The following ANKRD40 variants were observed in gnomAD, a reference collection of about 807,000 sequenced individuals.
ANKRD40 encodes ankyrin repeat domain-containing protein 40.
In ANKRD40, 24 loss-of-function variants were observed where a neutral mutation model predicts 35.5. The observed-to-expected ratio is 0.68, with a 90% CI of 0.49 to 0.95. The LOEUF (loss-of-function observed/expected upper bound fraction) is 0.95. Among genes scored for constraint, ANKRD40 ranks in the 40% least tolerant of loss-of-function variants. The pLI is 0.00. For missense variants in ANKRD40, 361 were observed against 436.0 expected (o/e 0.83, Z 1.53); for synonymous variants, 147 against 173.5 (o/e 0.85, Z 1.20).
chr17:50,700,489 C>T, intron 2 of ANKRD40, 79 bp downstream of exon 2: 1 of 1,404,178 alleles, frequency 7.1e-7, no homozygotes, highest in Non-Finnish European at 9.8e-7. Context: ...GTTTGACCAG[C>T]ATTAAGAACG....
Position 50,707,631 on chromosome 17 carries a change from C to G in ANKRD40, c.24G>C (p.Lys8Asn). MNALLEQ[K>N]EQQERLREAA... is the part of the protein sequence containing the mutation. ...CCTCCCGCAGCCTCTCCTGCTGCTC[C>G]TTCTGCTCTAGGAGGGCGTTCATCT... Residue 8 changes from lysine to asparagine, a missense_variant, in exon 1 of 5, where the codon AAG becomes AAC. By Grantham distance (94) the Lys-to-Asn change is moderately conservative. This residue lies in a region of ANKRD40 where 56 missense variants were observed against 47.1 expected (regional missense o/e 1.19). Coordinates refer to ENST00000285243, the MANE Select transcript of ANKRD40 (RefSeq NM_052855.4). This position sits in a 1 kb window ranked among gnomAD's most constrained non-coding sequence, Gnocchi z 4.8. 1 of 1,595,704 alleles carries G rather than the reference C, an allele frequency of 6.3e-7. No individual in the cohort carries two copies. The highest frequency in any genetic ancestry group is 8.5e-7 in the Non-Finnish European group (1 of 1,172,430).
chr17:50,700,850 A>C, intron 1 of ANKRD40, 134 bp from the exon 2 acceptor site: 1 of 727,184 alleles, frequency 1.4e-6, no homozygotes, highest in Non-Finnish European at 2.0e-6. Flanking sequence ...GGTAATCTCA[A>C]CTTTTCACAA....
chr17:50,703,624 G>T (rs77397584), intron 1 of ANKRD40, among the ~76,000 whole-genome samples: 3,316 of 152,254 alleles, frequency 0.022, 62 homozygotes, highest in Non-Finnish European at 0.034. Context: ...CAAAGATCTT[G>T]AATCAGGACT....
intron 1 of ANKRD40, among the ~76,000 whole-genome samples, chr17:50,702,343 C>T (rs9891970): frequency 0.65 from 98,710 of 151,524 alleles, 33,000 homozygotes; most frequent in African/African-American, 0.76. Context: ...GAGGTTGCAG[C>T]GAGCCAAGAT....
At position 50,707,420 on chromosome 17, in the gene ANKRD40, G is replaced by A; in HGVS notation, c.134+101C>T. 6.7e-7 allele frequency: 1 copy of A among 1,498,510 alleles called. No homozygotes were observed. The allele number at this position is 1,498,510 out of a possible 1,614,324, so 92.8% of individuals were successfully genotyped here. On this transcript the variant is annotated intron_variant, in intron 1 of 4. Coordinates refer to ENST00000285243, the MANE Select transcript of ANKRD40 (RefSeq NM_052855.4). The surrounding 1 kb of genome is among the most constrained non-coding windows in gnomAD (Gnocchi z 4.8). ...TCGGAGGCCCGAGGTGGCAGGCCTC[G>A]CCGTAGCCAGGCGTCCCGCGCTGGG...
intron 4 of ANKRD40, 164 bp downstream of exon 4, chr17:50,696,776 G>C (rs1484606703): frequency 4.1e-6 from 2 of 493,166 alleles, no homozygotes; most frequent in Admixed American, 4.5e-5. Flanking sequence ...AAAAAAGCCA[G>C]TGTCCCTATA....
intron 3 of ANKRD40, among the ~76,000 whole-genome samples, chr17:50,698,862 G>A (rs1968230352): frequency 6.6e-6 from 1 of 151,910 alleles, no homozygotes; most frequent in Admixed American, 6.6e-5. Context: ...ATATCCAGCT[G>A]GGTGCGGTGA....
rs189996214 is a variant in ANKRD40, at chr17:50,704,982, C to T, written c.134+2539G>A. On this transcript the variant is annotated intron_variant, in intron 1 of 4. Coordinates refer to ENST00000285243, the MANE Select transcript of ANKRD40 (RefSeq NM_052855.4). ...ACAAAAAATTAGCCGGGCGTGGTGG[C>T]GGGCACCTGTAGTCCCAGCTACTCG... 4.3e-3 allele frequency among the ~76,000 whole-genome samples: 649 copies of T among 151,910 alleles called. 3 individuals are homozygous for T. The highest frequency in any genetic ancestry group is 0.015 in the African/African-American group (631 of 41,468).
chr17:50,697,824 G>A (rs1024620380), intron 3 of ANKRD40, among the ~76,000 whole-genome samples: 1 of 152,072 alleles, frequency 6.6e-6, no homozygotes, highest in South Asian at 2.1e-4. Flanking sequence ...TAGCACCCCA[G>A]GTCACTGTTA....
intron 1 of ANKRD40, among the ~76,000 whole-genome samples, chr17:50,706,893 G>A (rs1379014582): frequency 2.2e-5 from 2 of 90,364 alleles, no homozygotes; most frequent in Non-Finnish European, 3.8e-5. Flanking sequence ...GACAGGGCAA[G>A]ACCCTGTCTC....
Position 50,707,766 on chromosome 17 carries a change from G to T in ANKRD40, c.-112C>A. 1 of 755,796 alleles carries T rather than the reference G, an allele frequency of 1.3e-6. No individual in the cohort carries two copies. The highest frequency in any genetic ancestry group is 1.7e-6 in the Non-Finnish European group (1 of 600,654). The allele number at this position is 755,796 out of a possible 1,614,324, so 46.8% of individuals were successfully genotyped here. ...CTCCCGGCCATGGGGAGGGAGCGCG[G>T]AACTCGCCCGCCCTGCTCGCGCCGC... On this transcript the variant is annotated 5_prime_UTR_variant, in exon 1 of 5. Transcript: ENST00000285243. The surrounding 1 kb of genome is among the most constrained non-coding windows in gnomAD (Gnocchi z 4.8).
intron 2 of ANKRD40, 61 bp downstream of exon 2, chr17:50,700,507 T>A: frequency 7.0e-6 from 10 of 1,420,368 alleles, no homozygotes; most frequent in Admixed American, 1.9e-5. Flanking sequence ...ACGTAGCCAA[T>A]AATACCACAA....
chr17:50,697,654 G>A (rs1968216606), intron 3 of ANKRD40, among the ~76,000 whole-genome samples: 1 of 152,226 alleles, frequency 6.6e-6, no homozygotes, highest in South Asian at 2.1e-4. Flanking sequence ...TGATTTGAAT[G>A]TAGCACACCT....
chr17:50,700,476 G>T, intron 2 of ANKRD40, 92 bp downstream of exon 2: 32 of 1,209,882 alleles, frequency 2.6e-5, no homozygotes, highest in Non-Finnish European at 3.5e-5. Flanking sequence ...AAATAGAGCA[G>T]TTGTTTGACC....
rs1419677507 is a variant in ANKRD40, at chr17:50,707,712, G to C, written c.-58C>G. The stretch of plus-strand genomic sequence containing the variant: ...GCCTGCCCCGCCCCGCCCGGGGCCT[G>C]TCAGCGCCGCCGCCGTCGCCGCGGC... On this transcript the variant is annotated 5_prime_UTR_variant, in exon 1 of 5. Coordinates refer to ENST00000285243, the MANE Select transcript of ANKRD40 (RefSeq NM_052855.4). The surrounding 1 kb of genome is among the most constrained non-coding windows in gnomAD (Gnocchi z 4.8). 1.6e-5 allele frequency: 19 copies of C among 1,203,414 alleles called. No homozygotes were observed. Among genetic ancestry groups the C allele is most frequent in the South Asian group, 3.6e-5 (1 of 27,800 alleles). 74.5% of individuals were successfully genotyped at this position (1,203,414 alleles called of 1,614,324 possible).
rs1968360414 is a variant in ANKRD40 at position 50,707,771 on chromosome 17, C to T, written c.-117G>A. ...GGCCATGGGGAGGGAGCGCGGAACTCGCCCGCCCTGCTCGCGCCGCTGCCC... is the reference window on the plus strand; with the variant it reads ...GGCCATGGGGAGGGAGCGCGGAACTTGCCCGCCCTGCTCGCGCCGCTGCCC... On this transcript the variant is annotated 5_prime_UTR_variant, in exon 1 of 5. Transcript: ENST00000285243. This position sits in a 1 kb window ranked among gnomAD's most constrained non-coding sequence, Gnocchi z 4.8. 2 of 706,066 alleles carry T rather than the reference C, an allele frequency of 2.8e-6. No individual in the cohort carries two copies. Among genetic ancestry groups the T allele is most frequent in the Non-Finnish European group, 3.6e-6 (2 of 557,914 alleles). The allele number at this position is 706,066 out of a possible 1,614,324, so 43.7% of individuals were successfully genotyped here.
At position 50,699,506 on chromosome 17, in the gene ANKRD40, G is replaced by A. The variant is rs1308038357; in HGVS notation, c.671C>T (p.Pro224Leu). The change falls in exon 3 of 5, where the codon CCG becomes CTG. Residue 224 changes from proline to leucine, a missense_variant. This residue lies in a region of ANKRD40 where 172 missense variants were observed against 174.0 expected (regional missense o/e 0.99). Transcript: ENST00000285243. Reference protein sequence around the residue: ...SQSRSLFSSVPSKPPMSLEPQ... With the variant: ...SQSRSLFSSVLSKPPMSLEPQ... ...CTCCAGAGACATTGGTGGCTTGGAC[G>A]GGACAGAAGAAAACAGGGAGCGGCT... The A allele has an allele frequency of 1.9e-6, 3 of 1,614,062 alleles. No homozygotes were observed. Among genetic ancestry groups the A allele is most frequent in the African/African-American group, 1.3e-5 (1 of 74,916 alleles).
intron 1 of ANKRD40, 158 bp from the exon 2 acceptor site, chr17:50,700,874 A>G (rs754583577): frequency 5.1e-5 from 28 of 551,844 alleles, no homozygotes; most frequent in Non-Finnish European, 7.5e-5. Context: ...CGATGAGCAA[A>G]ATATTTAATA....
chr17:50,700,315 T>A (rs1010809570), intron 2 of ANKRD40: 1 of 344,992 alleles, frequency 2.9e-6, no homozygotes. Flanking sequence ...TGGTGGCACA[T>A]GCCTGTAATC....
Sources: allele counts gnomAD v4.1 joint callset (sites outside exome capture counted in the v4.1 genomes callset), GRCh38; gene constraint gnomAD v4.1.1; regional missense constraint gnomAD v4.1.1; non-coding constraint Gnocchi (gnomAD v3.1); transcripts MANE v1.5; gene names NCBI Gene and HGNC (gene_info 2026-07-23, HGNC 2026-07-21).